MFSD1: variants seen among roughly 807,000 people sequenced by gnomAD.
MFSD1 encodes major facilitator superfamily domain containing 1.
Under a neutral mutation model 67.1 loss-of-function variants are expected in MFSD1, and 59 were observed. The observed-to-expected ratio is 0.88, with a 90% CI of 0.71 to 1.09. The LOEUF is 1.09. Among genes scored for constraint, MFSD1 ranks in the 50% least tolerant of loss-of-function variants. The pLI, the probability that MFSD1 is intolerant of heterozygous loss-of-function variation, is 0.00. For synonymous variants in MFSD1, 213 were observed against 200.3 expected (o/e 1.06, Z -0.54); for missense variants, 552 against 566.1 (o/e 0.97, Z 0.25).
rs949483478 is a variant in MFSD1, at chr3:158,828,998, G to A, written c.*16G>A. The A allele has an allele frequency of 6.2e-7, 1 of 1,603,600 alleles. No individual in the cohort carries two copies. Among genetic ancestry groups the A allele is most frequent in the Non-Finnish European group, 8.5e-7 (1 of 1,175,158 alleles). ...TTGCAGATGAGAAGTTAAAATGAATGTGTCATGAGAATGGGCTTAACACAT... is the reference window on the plus strand; with the variant it reads ...TTGCAGATGAGAAGTTAAAATGAATATGTCATGAGAATGGGCTTAACACAT... On this transcript the variant is annotated 3_prime_UTR_variant, in exon 16 of 16. Coordinates refer to ENST00000415822, the MANE Select transcript of MFSD1 (RefSeq NM_022736.4).
At chr3:158,808,404 C>T (rs1402932427) in intron 5 of MFSD1, among the ~76,000 whole-genome samples, 1 of 152,076 alleles carries the variant, frequency 6.6e-6, no homozygotes, top group African/African-American at 2.4e-5. Context: ...TTGAAACTTA[C>T]TGAAGGAAAA....
chr3:158,813,584 A>G (rs2108216076), intron 6 of MFSD1, among the ~76,000 whole-genome samples: 1 of 152,300 alleles, frequency 6.6e-6, no homozygotes, highest in East Asian at 1.9e-4. Flanking sequence ...GGACATTCAG[A>G]GGAAGATGTT....
rs185534008 is a variant in MFSD1 at position 158,819,691 on chromosome 3, T to C, written c.695T>C (p.Leu232Pro). ...CILSLICALA[L>P]AYLDQRAERI... ...CTTTCACTAATCTGTGCCTTGGCTC[T>C]TGCCTACTTGGATCAGAGAGCAGAG... is the stretch of plus-strand genomic sequence containing the variant. The change falls in exon 8 of 16, where the codon CTT becomes CCT. Residue 232 changes from leucine (L) to proline (P), a missense_variant. By Grantham distance (98) the Leu-to-Pro change is moderately conservative. Coordinates refer to ENST00000415822, the MANE Select transcript of MFSD1 (RefSeq NM_022736.4). 1 of 1,609,632 alleles carries C rather than the reference T, an allele frequency of 6.2e-7. No individual in the cohort carries two copies. The highest frequency in any genetic ancestry group is 1.3e-5 in the African/African-American group (1 of 74,870).
chr3:158,822,337 A>G (rs1730725220), intron 11 of MFSD1, 197 bp downstream of exon 11: 1 of 350,390 alleles, frequency 2.9e-6, no homozygotes. Flanking sequence ...GTATCTTTTA[A>G]TTTCATTTGA....
intron 8 of MFSD1, 43 bp from the exon 9 acceptor site, chr3:158,820,172 T>G (rs1158680506): frequency 1.9e-6 from 2 of 1,038,114 alleles, no homozygotes; most frequent in Non-Finnish European, 3.0e-6. Flanking sequence ...GCTCCTTAGG[T>G]ATGCAAAATT....
At chr3:158,814,767 T>G (rs930273861) in intron 7 of MFSD1, among the ~76,000 whole-genome samples, 1 of 152,144 alleles carries the variant, frequency 6.6e-6, no homozygotes, top group African/African-American at 2.4e-5. Flanking sequence ...CCTGAGAATT[T>G]ATTCAGGTAA....
At chr3:158,804,594 C>T (rs1339596012) in intron 2 of MFSD1, among the ~76,000 whole-genome samples, 1 of 152,092 alleles carries the variant, frequency 6.6e-6, no homozygotes, top group Non-Finnish European at 1.5e-5. Context: ...TGTTTCAGAC[C>T]TTAGATAAAT....
intron 15 of MFSD1, among the ~76,000 whole-genome samples, chr3:158,828,306 T>C (rs1731118534): frequency 6.6e-6 from 1 of 152,226 alleles, no homozygotes; most frequent in African/African-American, 2.4e-5. Context: ...TAAATATATA[T>C]ACCATGTGAT....
chr3:158,804,141 T>G, intron 1 of MFSD1, 178 bp from the exon 2 acceptor site: 1 of 538,178 alleles, frequency 1.9e-6, no homozygotes, highest in South Asian at 2.6e-5. Flanking sequence ...ACTACCAATT[T>G]ATGGAAGTTA....
intron 11 of MFSD1, chr3:158,823,095 C>G (rs747688795): frequency 7.8e-6 from 2 of 256,994 alleles, no homozygotes; most frequent in Non-Finnish European, 1.6e-5. Flanking sequence ...GGAAAATTAG[C>G]TTGCCTGAAA....
chr3:158,823,814 C>T (rs1310863829), intron 12 of MFSD1, among the ~76,000 whole-genome samples: 1 of 152,142 alleles, frequency 6.6e-6, no homozygotes, highest in Non-Finnish European at 1.5e-5. Context: ...CAGTTCCTGG[C>T]ACAGAAAGGC....
Position 158,823,439 on chromosome 3 carries a change from A to ACTCTCCTACTCATTGC in MFSD1, c.1090_1105dup (p.Leu369ProfsTer20). 6.2e-7 allele frequency: 1 copy of ACTCTCCTACTCATTGC among 1,612,208 alleles called. No individual in the cohort carries two copies. Among genetic ancestry groups the ACTCTCCTACTCATTGC allele is most frequent in the Non-Finnish European group, 8.5e-7 (1 of 1,178,642 alleles). ...GTTGCTTTCTGTAGTGTCTTCTGGGACTCTCCTACTCATTGCTTGCCTGTG... is the reference window on the plus strand; with the variant it reads ...GTTGCTTTCTGTAGTGTCTTCTGGGACTCTCCTACTCATTGCCTCTCCTACTCATTGCTTGCCTGTG... On this transcript the variant is annotated frameshift_variant, in exon 12 of 16. Transcript: ENST00000415822. LOFTEE classifies it high-confidence loss of function.
intron 3 of MFSD1, among the ~76,000 whole-genome samples, 193 bp downstream of exon 3, chr3:158,805,667 C>CT (rs1168026321): frequency 5.9e-5 from 9 of 152,270 alleles, no homozygotes; most frequent in African/African-American, 2.2e-4. Context: ...AAGGTCAGGA[C>CT]TAGTAAATGC....
chr3:158,814,209 C>A, intron 7 of MFSD1, 142 bp downstream of exon 7: 1 of 563,560 alleles, frequency 1.8e-6, no homozygotes, highest in Non-Finnish European at 3.1e-6. Context: ...CTCTTTGACA[C>A]AACTAGAAAT....
intron 6 of MFSD1, 61 bp downstream of exon 6, chr3:158,809,348 C>G: frequency 1.8e-6 from 2 of 1,094,862 alleles, no homozygotes; most frequent in East Asian, 2.4e-5. Context: ...TCTTATAGTT[C>G]TCTTAAAAAT....
At chr3:158,811,669 G>T (rs1001564138) in intron 6 of MFSD1, among the ~76,000 whole-genome samples, 6 of 152,192 alleles carry the variant, frequency 3.9e-5, no homozygotes, top group Non-Finnish European at 8.8e-5. Flanking sequence ...AAATCAAGGT[G>T]GAGAGGATGT....
At chr3:158,807,915 T>G (rs950370796) in intron 5 of MFSD1, among the ~76,000 whole-genome samples, 13 of 152,258 alleles carry the variant, frequency 8.5e-5, no homozygotes, top group Admixed American at 8.5e-4. Context: ...TGAATTCTTA[T>G]AGACCAGTTG....
chr3:158,814,975 G>A (rs546363511), intron 7 of MFSD1, among the ~76,000 whole-genome samples: 60 of 152,182 alleles, frequency 3.9e-4, no homozygotes, highest in African/African-American at 1.3e-3. Context: ...CCAGCTACCC[G>A]GGAGGCTGAG....
At chr3:158,803,304 A>G (rs779598886) in intron 1 of MFSD1, among the ~76,000 whole-genome samples, 4 of 152,176 alleles carry the variant, frequency 2.6e-5, no homozygotes, top group East Asian at 3.9e-4. Context: ...CGCTGAACAT[A>G]TAAGTAGACA....
Sources: allele counts gnomAD v4.1 joint callset (sites outside exome capture counted in the v4.1 genomes callset), GRCh38; gene constraint gnomAD v4.1.1; transcripts MANE v1.5; gene names NCBI Gene and HGNC (gene_info 2026-07-23, HGNC 2026-07-21).